PRDM5: variants seen among roughly 807,000 people sequenced by gnomAD.
The protein encoded by PRDM5 is PR/SET domain 5.
Under a neutral mutation model 81.2 loss-of-function variants are expected in PRDM5, and 56 were observed. That is an observed-to-expected ratio of 0.69 (90% CI 0.56 to 0.86). The LOEUF is 0.86. Among genes scored for constraint, PRDM5 ranks in the 40% least tolerant of loss-of-function variants. PRDM5 has a pLI of 0.00. For synonymous variants in PRDM5, 267 were observed against 256.4 expected (o/e 1.04, Z -0.39); for missense variants, 697 against 770.1 (o/e 0.91, Z 1.12).
At chr4:120,727,509 G>A (rs1227507536) in intron 14 of PRDM5, among the ~76,000 whole-genome samples, 1 of 152,144 alleles carries the variant, frequency 6.6e-6, no homozygotes, top group Admixed American at 6.5e-5. Flanking sequence ...TTTGAGACTT[G>A]GGTCAAGTCC....
At chr4:120,852,452 T>C (rs2149417515) in intron 3 of PRDM5, among the ~76,000 whole-genome samples, 1 of 152,228 alleles carries the variant, frequency 6.6e-6, no homozygotes, top group African/African-American at 2.4e-5. Context: ...AAGGCTGACC[T>C]ACCCCAGAGT....
intron 10 of PRDM5, among the ~76,000 whole-genome samples, chr4:120,792,325 G>A (rs1400390238): frequency 1.3e-5 from 2 of 152,144 alleles, no homozygotes; most frequent in East Asian, 3.9e-4. Context: ...ACCATGACAG[G>A]CAGGAGAAGG....
At chr4:120,695,547 T>A (rs890536216) in intron 15 of PRDM5, among the ~76,000 whole-genome samples, 1 of 152,144 alleles carries the variant, frequency 6.6e-6, no homozygotes, top group Non-Finnish European at 1.5e-5. Context: ...ACGGTCTAGA[T>A]GGCATCTCTC....
intron 2 of PRDM5, among the ~76,000 whole-genome samples, chr4:120,879,469 T>A (rs1395608948): frequency 1.3e-5 from 2 of 152,142 alleles, no homozygotes; most frequent in Non-Finnish European, 2.9e-5. Flanking sequence ...CTCCTCTTAC[T>A]CTTCCTCCTC....
intron 2 of PRDM5, among the ~76,000 whole-genome samples, chr4:120,889,530 AAATT>A (rs1240481280): frequency 1.3e-5 from 2 of 152,186 alleles, no homozygotes; most frequent in Admixed American, 6.5e-5. Context: ...CTTGCAAAAA[AAATT>A]AATAAAAATA....
At chr4:120,880,204 C>A (rs1238382317) in intron 2 of PRDM5, among the ~76,000 whole-genome samples, 5 of 152,092 alleles carry the variant, frequency 3.3e-5, no homozygotes, top group African/African-American at 1.2e-4. Context: ...AAAACTCACA[C>A]ACAAATAATT....
chr4:120,911,728 A>C lies in PRDM5; in HGVS notation c.94-4171T>G, dbSNP rs575605003. Among the ~76,000 whole-genome samples, 17 of 152,304 alleles carry C rather than the reference A, an allele frequency of 1.1e-4. No homozygotes were observed. In the South Asian group the frequency reaches 3.1e-3, roughly 28 times the overall value. On this transcript the variant is annotated intron_variant, in intron 1 of 15. Coordinates refer to ENST00000264808, the MANE Select transcript of PRDM5 (RefSeq NM_018699.4). ...ATTAGTTGATTCTAAGATTTCTTCC[A>C]GCTTTTAAATTCCAATAGAAAGAGC...
At position 120,693,611 on chromosome 4, in the gene PRDM5, T is replaced by C. The variant is rs1004395925; in HGVS notation, c.*1500A>G. Reference sequence around the variant, plus strand: ...ATTTTACAACATTCAAATGTCTACATTGAATCTTTATGTTTCTTTTTAAAA... The same window carrying C: ...ATTTTACAACATTCAAATGTCTACACTGAATCTTTATGTTTCTTTTTAAAA... On this transcript the variant is annotated 3_prime_UTR_variant, in exon 16 of 16. Transcript: ENST00000264808. 1.3e-5 allele frequency: 2 copies of C among 152,178 alleles called. No individual in the cohort carries two copies. The highest frequency in any genetic ancestry group is 2.9e-5 in the Non-Finnish European group (2 of 68,018). The allele number at this position is 152,178 out of a possible 1,614,324, so 9.4% of individuals were successfully genotyped here. A position where few individuals can be genotyped will look rare whatever the true frequency, so the allele number is the denominator to read the frequency against.
chr4:120,691,614 T>C (rs952563221), downstream of PRDM5, among the ~76,000 whole-genome samples: 3 of 152,150 alleles, frequency 2.0e-5, no homozygotes, highest in South Asian at 6.2e-4. Flanking sequence ...TCATTCTTAG[T>C]TACCAGGTTT....
intron 13 of PRDM5, among the ~76,000 whole-genome samples, chr4:120,776,459 G>A (rs954629046): frequency 6.6e-6 from 1 of 152,030 alleles, no homozygotes; most frequent in African/African-American, 2.4e-5. Context: ...GGAAGCTTCA[G>A]CTGTATAATC....
In PRDM5 at chr4:120,816,939, G is replaced by A. The variant is rs774462093; in HGVS notation, c.651-15C>T. 6.9e-6 allele frequency: 11 copies of A among 1,592,494 alleles called. No individual in the cohort carries two copies. The African/African-American group carries it at 1.5e-4, about 21-fold the overall frequency. Reference sequence around the variant, plus strand: ...ACTGAAGAACACTAAAGGGAAATAGGAAAAAGAGAAAGAAAAGAAAACAAA... The same window carrying A: ...ACTGAAGAACACTAAAGGGAAATAGAAAAAAGAGAAAGAAAAGAAAACAAA... On this transcript the variant is annotated splice_polypyrimidine_tract_variant and intron_variant, in intron 5 of 15. Coordinates refer to ENST00000264808, the MANE Select transcript of PRDM5 (RefSeq NM_018699.4).
downstream of PRDM5, among the ~76,000 whole-genome samples, chr4:120,690,443 C>T (rs1278244771): frequency 1.3e-5 from 2 of 152,034 alleles, no homozygotes; most frequent in Admixed American, 6.6e-5. Context: ...CTGAAAAGCA[C>T]TCAATTCAGT....
At chr4:120,898,507 A>C (rs1023967316) in intron 2 of PRDM5, among the ~76,000 whole-genome samples, 6 of 152,130 alleles carry the variant, frequency 3.9e-5, no homozygotes, top group African/African-American at 7.2e-5. Flanking sequence ...GCCTATACAC[A>C]GAATCAGCAG....
At chr4:120,875,269 G>C (rs970280180) in intron 2 of PRDM5, among the ~76,000 whole-genome samples, 1 of 152,226 alleles carries the variant, frequency 6.6e-6, no homozygotes, top group Non-Finnish European at 1.5e-5. Context: ...TTAAAACAAA[G>C]ACAGGAAAAC....
intron 10 of PRDM5, among the ~76,000 whole-genome samples, chr4:120,794,450 T>C (rs1275899401): frequency 7.3e-5 from 11 of 150,802 alleles, no homozygotes; most frequent in Non-Finnish European, 1.6e-4. Flanking sequence ...AGGCAAAGAG[T>C]GAACTGTATT....
intron 9 of PRDM5, among the ~76,000 whole-genome samples, 160 bp from the exon 10 acceptor site, chr4:120,798,584 G>A (rs1178530928): frequency 2.0e-5 from 3 of 152,158 alleles, no homozygotes; most frequent in Non-Finnish European, 4.4e-5. Context: ...ACATAAATGT[G>A]TCTACTCCTA....
At chr4:120,760,976 G>A (rs1315779708) in intron 13 of PRDM5, among the ~76,000 whole-genome samples, 1 of 152,140 alleles carries the variant, frequency 6.6e-6, no homozygotes. Context: ...GGCAGGTGAA[G>A]GACTTAGCTA....
At chr4:120,811,253 A>C (rs1448307931) in intron 8 of PRDM5, 117 bp downstream of exon 8, 1 of 598,678 alleles carries the variant, frequency 1.7e-6, no homozygotes, top group South Asian at 3.0e-5. Flanking sequence ...ATTGCCATTG[A>C]TTTTTCAGAT....
At chr4:120,835,527 C>T (rs781253111) in intron 3 of PRDM5, among the ~76,000 whole-genome samples, 5 of 152,102 alleles carry the variant, frequency 3.3e-5, no homozygotes, top group Non-Finnish European at 7.4e-5. Context: ...TGTGCTGTTC[C>T]TGTGATAGTG....
Sources: allele counts gnomAD v4.1 joint callset (sites outside exome capture counted in the v4.1 genomes callset), GRCh38; gene constraint gnomAD v4.1.1; transcripts MANE v1.5; gene names NCBI Gene and HGNC (gene_info 2026-07-23, HGNC 2026-07-21).